Variants in CACNB4 observed in about 807,000 individuals in gnomAD.
CACNB4 encodes voltage-dependent L-type calcium channel subunit beta-4.
CACNB4 carries 32 observed loss-of-function variants against 71.2 expected under a neutral mutation model. The observed-to-expected ratio is 0.45, with a 90% confidence interval of 0.34 to 0.60. The LOEUF is 0.60. CACNB4 is among the 20% of genes least tolerant of loss of function. CACNB4 has a pLI of 0.01. For missense variants in CACNB4, 464 were observed against 647.9 expected (o/e 0.72, Z 3.08); for synonymous variants, 231 against 236.9 (o/e 0.97, Z 0.23).
At chr2:152,076,844 T>C (rs1421982539) in intron 2 of CACNB4, among the ~76,000 whole-genome samples, 1 of 152,236 alleles carries the variant, frequency 6.6e-6, no homozygotes, top group Non-Finnish European at 1.5e-5. Context: ...GTACCAGTTC[T>C]TTGCCTCTTT....
At chr2:151,962,976 T>C (rs1391352119) in intron 2 of CACNB4, 1 of 152,150 alleles carries the variant, frequency 6.6e-6, no homozygotes, top group Non-Finnish European at 1.5e-5. Flanking sequence ...TTTTTTATAG[T>C]ACTAACCTTG....
chr2:152,041,360 G>A (rs1481176097), intron 2 of CACNB4, among the ~76,000 whole-genome samples: 9 of 152,142 alleles, frequency 5.9e-5, no homozygotes, highest in African/African-American at 1.9e-4. Context: ...CATAAGCTCA[G>A]TACTTATGGG....
chr2:152,010,530 C>A (rs1366602844), intron 2 of CACNB4, among the ~76,000 whole-genome samples: 2 of 152,150 alleles, frequency 1.3e-5, no homozygotes, highest in African/African-American at 4.8e-5. Flanking sequence ...GATTATTTGC[C>A]ATACACTGAT....
At chr2:151,964,457 C>T (rs1035351162) in intron 2 of CACNB4, among the ~76,000 whole-genome samples, 21 of 152,138 alleles carry the variant, frequency 1.4e-4, no homozygotes, top group Admixed American at 5.2e-4. Flanking sequence ...TCAAGGAAGA[C>T]TTATTTTTTA....
intron 2 of CACNB4, among the ~76,000 whole-genome samples, chr2:152,082,271 T>A (rs961031910): frequency 4.6e-5 from 7 of 152,236 alleles, no homozygotes; most frequent in African/African-American, 1.7e-4. Context: ...AAACTCCACA[T>A]CATCTCTTTG....
intron 2 of CACNB4, among the ~76,000 whole-genome samples, chr2:152,032,359 T>C (rs148235892): frequency 3.3e-5 from 5 of 152,302 alleles, no homozygotes; most frequent in African/African-American, 9.6e-5. Context: ...CTAAAATACA[T>C]TGGACCAAAA....
At chr2:152,029,290 C>T (rs1340723713) in intron 2 of CACNB4, among the ~76,000 whole-genome samples, 1 of 151,680 alleles carries the variant, frequency 6.6e-6, no homozygotes, top group African/African-American at 2.4e-5. Context: ...GTCAGGAGTT[C>T]GAGACCAGCC....
At chr2:152,029,322 G>A (rs749740036) in intron 2 of CACNB4, among the ~76,000 whole-genome samples, 4 of 151,604 alleles carry the variant, frequency 2.6e-5, no homozygotes, top group Non-Finnish European at 4.4e-5. Flanking sequence ...GTGAAGCCCC[G>A]TCTCTACTAA....
chr2:152,041,979 A>G (rs777396134), intron 2 of CACNB4, among the ~76,000 whole-genome samples: 12 of 152,218 alleles, frequency 7.9e-5, no homozygotes, highest in Non-Finnish European at 1.3e-4. Flanking sequence ...GAGGTGTTCA[A>G]TAAATAGTTG....
intron 2 of CACNB4, among the ~76,000 whole-genome samples, chr2:152,033,204 G>C (rs1212640419): frequency 6.6e-6 from 1 of 152,180 alleles, no homozygotes; most frequent in African/African-American, 2.4e-5. Flanking sequence ...AGCGGGGTGG[G>C]GGAATGAGGA....
At chr2:152,017,646 T>C (rs1683420558) in intron 2 of CACNB4, among the ~76,000 whole-genome samples, 1 of 151,238 alleles carries the variant, frequency 6.6e-6, no homozygotes, top group Non-Finnish European at 1.5e-5. Flanking sequence ...AGGCAGAGGT[T>C]GCAGTGAGCC....
chr2:151,988,978 T>C (rs1239832157), intron 2 of CACNB4, among the ~76,000 whole-genome samples: 1 of 152,210 alleles, frequency 6.6e-6, no homozygotes, highest in East Asian at 1.9e-4. Context: ...TCTCTTCTTT[T>C]ACCATTAGCA....
At chr2:152,053,391 G>A (rs1225066877) in intron 2 of CACNB4, among the ~76,000 whole-genome samples, 8 of 152,316 alleles carry the variant, frequency 5.3e-5, no homozygotes, top group African/African-American at 9.6e-5. Flanking sequence ...AGGGTGACAC[G>A]CCTGGAGAGG....
At chr2:151,928,641 A>T (rs2099860858) in intron 2 of CACNB4, among the ~76,000 whole-genome samples, 1 of 152,212 alleles carries the variant, frequency 6.6e-6, no homozygotes. Context: ...ACAAACAAAA[A>T]GGCTGGGTGC....
chr2:152,076,136 C>A (rs1438394566), intron 2 of CACNB4, among the ~76,000 whole-genome samples: 1 of 71,198 alleles, frequency 1.4e-5, no homozygotes, highest in Non-Finnish European at 2.5e-5. Context: ...CACCTCTTTT[C>A]TTTTTTTTTT....
intron 2 of CACNB4, among the ~76,000 whole-genome samples, chr2:151,945,504 TAGC>T (rs2099865326): frequency 6.6e-6 from 1 of 151,814 alleles, no homozygotes; most frequent in African/African-American, 2.4e-5. Flanking sequence ...TTATAAAGAT[TAGC>T]TGGGTGTGGT....
At chr2:152,042,639 C>T (rs529000268) in intron 2 of CACNB4, among the ~76,000 whole-genome samples, 23 of 152,202 alleles carry the variant, frequency 1.5e-4, no homozygotes, top group African/African-American at 5.3e-4. Context: ...AGAAAAATGG[C>T]ACTTTATATC....
At chr2:151,841,636 G>A in intron 13 of CACNB4, 1 of 377,090 alleles carries the variant, frequency 2.7e-6, no homozygotes, top group East Asian at 5.8e-5. Context: ...ACGTTTGCCA[G>A]CAGAGTTTAG....
rs145807534 is a variant in CACNB4 at position 151,931,888 on chromosome 2, T to A, written c.148-48518A>T. ...AAAACTATAGTATACCAGTATATTATGCAACTATTAAAGAGAGATAACTCT... is the reference window on the plus strand; with the variant it reads ...AAAACTATAGTATACCAGTATATTAAGCAACTATTAAAGAGAGATAACTCT... On this transcript the variant is annotated intron_variant, in intron 2 of 13. Coordinates refer to ENST00000539935, the MANE Select transcript of CACNB4 (RefSeq NM_000726.5). Among the ~76,000 whole-genome samples, 6 of 152,346 alleles carry A rather than the reference T, an allele frequency of 3.9e-5. No homozygotes were observed. In the East Asian group the frequency reaches 1.2e-3, roughly 29 times the overall value.
Sources: allele counts gnomAD v4.1 joint callset (sites outside exome capture counted in the v4.1 genomes callset), GRCh38; gene constraint gnomAD v4.1.1; transcripts MANE v1.5; gene names NCBI Gene and HGNC (gene_info 2026-07-23, HGNC 2026-07-21).